COG5: variants seen among roughly 807,000 people sequenced by gnomAD.
COG5 encodes the protein component of oligomeric golgi complex 5, also known as conserved oligomeric Golgi complex subunit 5.
COG5 carries 86 observed loss-of-function variants against 110.4 expected under a neutral mutation model. The observed-to-expected ratio is 0.78, with a 90% CI of 0.65 to 0.93. The LOEUF is 0.93. COG5 is among the 40% of genes least tolerant of loss of function. The probability of loss-of-function intolerance (pLI) is 0.00; values close to 1 mark genes in which losing one functional copy is unlikely to be tolerated. For missense variants in COG5, 1,077 were observed against 987.0 expected (o/e 1.09, Z -1.22); for synonymous variants, 360 against 334.6 (o/e 1.08, Z -0.83).
At chr7:107,268,608 T>C (rs1803992025) in intron 14 of COG5, among the ~76,000 whole-genome samples, 1 of 152,226 alleles carries the variant, frequency 6.6e-6, no homozygotes, top group South Asian at 2.1e-4. Flanking sequence ...CTCATTTTGA[T>C]AGTGGATTTG....
chr7:107,387,415 C>T (rs1211918177), intron 7 of COG5, among the ~76,000 whole-genome samples: 1 of 152,240 alleles, frequency 6.6e-6, no homozygotes, highest in Non-Finnish European at 1.5e-5. Context: ...CTGGGGCCCA[C>T]CTGCTCAGCT....
chr7:107,294,960 T>C (rs112151661), intron 12 of COG5, among the ~76,000 whole-genome samples: 21,134 of 123,382 alleles, frequency 0.17, 2,236 homozygotes, highest in Non-Finnish European at 0.21. Flanking sequence ...CATATATATA[T>C]ACACACATAT....
chr7:107,368,709 A>G (rs1813851365), intron 8 of COG5, among the ~76,000 whole-genome samples: 2 of 152,208 alleles, frequency 1.3e-5, no homozygotes, highest in Middle Eastern at 3.2e-3. Context: ...TACAGTATCT[A>G]TCTGGGTGAT....
intron 7 of COG5, among the ~76,000 whole-genome samples, chr7:107,394,481 A>G (rs543437672): frequency 1.3e-5 from 2 of 152,332 alleles, no homozygotes; most frequent in Admixed American, 1.3e-4. Flanking sequence ...ATAGAAAAGA[A>G]GCATAATTGT....
chr7:107,214,632 G>A (rs1213532418), intron 19 of COG5, among the ~76,000 whole-genome samples: 1 of 152,024 alleles, frequency 6.6e-6, no homozygotes, highest in Non-Finnish European at 1.5e-5. Flanking sequence ...ATTAAAATTA[G>A]AGCTCAAGGC....
intron 7 of COG5, among the ~76,000 whole-genome samples, chr7:107,386,379 T>C (rs769484933): frequency 1.6e-4 from 24 of 152,050 alleles, no homozygotes; most frequent in Admixed American, 4.6e-4. Context: ...AACATCTGTG[T>C]CAGTGGACGT....
At chr7:107,262,308 GGATTA>G (rs1803419820) in intron 14 of COG5, among the ~76,000 whole-genome samples, 1 of 152,038 alleles carries the variant, frequency 6.6e-6, no homozygotes, top group African/African-American at 2.4e-5. Context: ...CTTCCTTTCT[GGATTA>G]GATTACGTGA....
chr7:107,392,078 G>A (rs187373695), intron 7 of COG5, among the ~76,000 whole-genome samples: 2 of 152,228 alleles, frequency 1.3e-5, no homozygotes, highest in African/African-American at 2.4e-5. Context: ...GCAGCACAGC[G>A]AGACTCAGTC....
chr7:107,207,759 G>GTTA, intron 21 of COG5: 2 of 984,876 alleles, frequency 2.0e-6, no homozygotes, highest in Non-Finnish European at 2.4e-6. Context: ...CCATGAGTAA[G>GTTA]TTATTACTCT....
At chr7:107,545,779 C>CAAAAAAAAAAAA (rs59515448) in intron 5 of COG5, among the ~76,000 whole-genome samples, 4 of 69,846 alleles carry the variant, frequency 5.7e-5, no homozygotes, top group African/African-American at 1.2e-4. Flanking sequence ...GACTCCATCT[C>CAAAAAAAAAAAA]AAAAAAAAAA....
chr7:107,287,275 T>C (rs894841213), intron 12 of COG5, among the ~76,000 whole-genome samples: 5 of 152,174 alleles, frequency 3.3e-5, no homozygotes, highest in African/African-American at 1.2e-4. Flanking sequence ...AGATAGTGTG[T>C]CAGGCAAATG....
chr7:107,367,585 C>CAG (rs1813748176), intron 8 of COG5, among the ~76,000 whole-genome samples: 1 of 151,758 alleles, frequency 6.6e-6, no homozygotes, highest in African/African-American at 2.4e-5. Flanking sequence ...CACACACACA[C>CAG]CATGGAACAC....
At chr7:107,214,920 C>CAAA (rs1286533575) in intron 19 of COG5, among the ~76,000 whole-genome samples, 1 of 80,552 alleles carries the variant, frequency 1.2e-5, no homozygotes, top group Non-Finnish European at 2.6e-5. Context: ...GACTCTGTCT[C>CAAA]AAAAAAAAAA....
intron 7 of COG5, among the ~76,000 whole-genome samples, chr7:107,392,658 G>A (rs533958617): frequency 1.5e-4 from 21 of 139,922 alleles, no homozygotes; most frequent in Non-Finnish European, 2.3e-4. Flanking sequence ...ATTCATGAGG[G>A]AAAGAATATT....
At chr7:107,294,940 CACACACACACATATATATAT>C (rs1806519307) in intron 12 of COG5, among the ~76,000 whole-genome samples, 1 of 117,060 alleles carries the variant, frequency 8.5e-6, no homozygotes, top group African/African-American at 3.0e-5. Context: ...TACACACACA[CACACACACACATATATATAT>C]ACACACATAT....
At chr7:107,252,131 G>A (rs1802561446) in intron 16 of COG5, among the ~76,000 whole-genome samples, 2 of 152,086 alleles carry the variant, frequency 1.3e-5, no homozygotes, top group African/African-American at 4.8e-5. Flanking sequence ...TCAAGCAGAA[G>A]GATCCCTTGA....
Position 107,361,235 on chromosome 7 carries a change from C to T in COG5, c.1026+798G>A, listed in dbSNP as rs1813085828. ...GAATAAAATGTAGAATCAGGGATTC[C>T]TATGCATGGAAAGAATTCTTATGGC... On this transcript the variant is annotated intron_variant, in intron 10 of 21. Transcript: ENST00000297135. Among the ~76,000 whole-genome samples, 3 of 152,052 alleles carry T rather than the reference C, an allele frequency of 2.0e-5. No homozygotes were observed. The South Asian group carries it at 6.2e-4, about 32-fold the overall frequency.
intron 10 of COG5, among the ~76,000 whole-genome samples, chr7:107,343,932 T>A: frequency 6.6e-6 from 1 of 151,876 alleles, no homozygotes; most frequent in East Asian, 1.9e-4. Context: ...TACCACACTA[T>A]AAACAGATGT....
At chr7:107,538,030 T>A (rs980768848) in intron 5 of COG5, among the ~76,000 whole-genome samples, 7 of 152,030 alleles carry the variant, frequency 4.6e-5, no homozygotes. Flanking sequence ...GCCTGAAAAA[T>A]CGAGCTACAG....
Sources: allele counts gnomAD v4.1 joint callset (sites outside exome capture counted in the v4.1 genomes callset), GRCh38; gene constraint gnomAD v4.1.1; transcripts MANE v1.5; gene names NCBI Gene and HGNC (gene_info 2026-07-23, HGNC 2026-07-21).